COL4A1: variants seen among roughly 807,000 people sequenced by gnomAD.
COL4A1 encodes the protein collagen alpha-1(IV) chain.
Under a neutral mutation model 216.6 loss-of-function variants are expected in COL4A1, and 40 were observed. That is an observed-to-expected ratio of 0.18 (90% CI 0.14 to 0.24). The LOEUF (loss-of-function observed/expected upper bound fraction) is 0.24, where lower values mean the gene tolerates loss of function less well. Among genes scored for constraint, COL4A1 ranks in the 10% least tolerant of loss-of-function variants. The pLI is 1.00. For missense variants in COL4A1, 1,628 were observed against 2,196.8 expected, an observed-to-expected ratio of 0.74 and a Z score of 5.18; for synonymous variants, 839 against 810.7, an observed-to-expected ratio of 1.03 and a Z score of -0.59.
chr13:110,211,234 G>C lies in COL4A1; in HGVS notation c.468+413C>G, dbSNP rs1879781030. Among the ~76,000 whole-genome samples, 1 of 152,136 alleles carries C rather than the reference G, an allele frequency of 6.6e-6. No individual in the cohort carries two copies. The highest frequency in any genetic ancestry group is 6.5e-5 in the Admixed American group (1 of 15,280). On this transcript the variant is annotated intron_variant, in intron 8 of 51. Transcript: ENST00000375820. The surrounding 1 kb of genome is among the most constrained non-coding windows in gnomAD (Gnocchi z 4.3). The stretch of plus-strand genomic sequence containing the variant: ...CCCAAGCACAGCCGACACATTACAT[G>C]ACTGCACAGTCTGAGGTCGGGCTGA...
At chr13:110,299,714 G>A (rs555967746) in intron 1 of COL4A1, among the ~76,000 whole-genome samples, 49 of 152,278 alleles carry the variant, frequency 3.2e-4, no homozygotes, top group African/African-American at 1.2e-3. Context: ...TCGTGTGCAC[G>A]TCTGACCCGT....
intron 22 of COL4A1, 57 bp downstream of exon 22, chr13:110,194,966 G>C: frequency 6.6e-7 from 1 of 1,513,456 alleles, no homozygotes; most frequent in East Asian, 2.3e-5. Flanking sequence ...TAAGTATGTG[G>C]GAAAAAATCA....
chr13:110,209,476 C>T, intron 10 of COL4A1, 49 bp from the exon 11 acceptor site: 8 of 1,279,714 alleles, frequency 6.3e-6, no homozygotes, highest in Non-Finnish European at 7.8e-6. Context: ...CTCTAGGGAG[C>T]TTTAAGCCCT....
chr13:110,183,127 G>A (rs1377339023), intron 27 of COL4A1, 30 bp from the exon 28 acceptor site: 1 of 1,612,116 alleles, frequency 6.2e-7, no homozygotes, highest in Non-Finnish European at 8.5e-7. Flanking sequence ...CAGTCAGCGT[G>A]AGAAAAACGT....
At chr13:110,219,598 A>G (rs2139214487) in intron 2 of COL4A1, among the ~76,000 whole-genome samples, 1 of 150,222 alleles carries the variant, frequency 6.7e-6, no homozygotes, top group East Asian at 1.9e-4. Flanking sequence ...ATACAGACGC[A>G]CCTCAGCTTA....
chr13:110,164,165 T>C (rs1406627293), intron 46 of COL4A1, among the ~76,000 whole-genome samples: 2 of 151,710 alleles, frequency 1.3e-5, no homozygotes, highest in South Asian at 4.2e-4. Flanking sequence ...ATTTTATCAT[T>C]ATTATTTTGT....
intron 48 of COL4A1, 27 bp from the exon 49 acceptor site, chr13:110,161,396 A>G: frequency 6.3e-7 from 1 of 1,584,054 alleles, no homozygotes; most frequent in East Asian, 2.3e-5. Flanking sequence ...ACAATGTGAG[A>G]TGTTTCCTTT....
intron 50 of COL4A1, 140 bp from the exon 51 acceptor site, chr13:110,152,646 A>G (rs1217888029): frequency 1.9e-6 from 2 of 1,073,014 alleles, no homozygotes; most frequent in Non-Finnish European, 2.7e-6. Flanking sequence ...CACAGGACAC[A>G]CTCTGTGCCC....
intron 28 of COL4A1, 23 bp from the exon 29 acceptor site, chr13:110,181,412 A>C (rs757792086): frequency 1.3e-6 from 2 of 1,587,302 alleles, no homozygotes; most frequent in Non-Finnish European, 1.7e-6. Flanking sequence ...GTCAAAAAAA[A>C]AAAACAAACA....
chr13:110,299,488 G>A (rs1298606860), intron 1 of COL4A1, among the ~76,000 whole-genome samples: 1 of 152,216 alleles, frequency 6.6e-6, no homozygotes, highest in Non-Finnish European at 1.5e-5. Flanking sequence ...CTGGCACAAA[G>A]CAAGCTCGGT....
chr13:110,182,001 G>A (rs979010313), intron 28 of COL4A1, among the ~76,000 whole-genome samples: 14 of 152,240 alleles, frequency 9.2e-5, no homozygotes, highest in African/African-American at 3.1e-4. Context: ...TCTTCTGTGA[G>A]GCTGCTGCAC....
chr13:110,178,326 G>A, intron 31 of COL4A1, 95 bp from the exon 32 acceptor site: 1 of 1,512,346 alleles, frequency 6.6e-7, no homozygotes, highest in Non-Finnish European at 9.1e-7. Context: ...TCTGCAGAAA[G>A]CCCGTGAGCA....
intron 50 of COL4A1, among the ~76,000 whole-genome samples, chr13:110,153,802 T>C (rs28498126): frequency 0.025 from 3,736 of 152,250 alleles, 56 homozygotes; most frequent in East Asian, 0.04. Context: ...AAAATTGCTT[T>C]CCTGCCAACT....
intron 22 of COL4A1, among the ~76,000 whole-genome samples, chr13:110,193,140 G>A (rs114935239): frequency 1.1e-4 from 16 of 152,308 alleles, no homozygotes; most frequent in African/African-American, 2.6e-4. Flanking sequence ...CCCAGCACGC[G>A]TCACGTGTGA....
At chr13:110,281,954 G>A (rs1883649104) in intron 1 of COL4A1, among the ~76,000 whole-genome samples, 2 of 152,178 alleles carry the variant, frequency 1.3e-5, no homozygotes, top group African/African-American at 4.8e-5. Flanking sequence ...GTTTATGCCT[G>A]AAACACAACA....
At chr13:110,245,700 C>T (rs576113253) in intron 1 of COL4A1, among the ~76,000 whole-genome samples, 10 of 152,294 alleles carry the variant, frequency 6.6e-5, no homozygotes, top group Non-Finnish European at 2.9e-5. Context: ...TTAAGCCATC[C>T]GTGAATGCTT....
chr13:110,159,238 A>G (rs1223996626), intron 49 of COL4A1, among the ~76,000 whole-genome samples: 2 of 139,388 alleles, frequency 1.4e-5, no homozygotes, highest in African/African-American at 5.4e-5. Flanking sequence ...CGATGGGTAC[A>G]ATATCACCCA....
intron 17 of COL4A1, 27 bp from the exon 18 acceptor site, chr13:110,203,634 G>T (rs369069161): frequency 9.3e-6 from 15 of 1,612,690 alleles, no homozygotes; most frequent in African/African-American, 1.3e-5. Context: ...AACTTTCCTT[G>T]CATATTCTTA....
At chr13:110,299,391 G>A (rs1220157273) in intron 1 of COL4A1, among the ~76,000 whole-genome samples, 4 of 152,234 alleles carry the variant, frequency 2.6e-5, no homozygotes, top group Non-Finnish European at 5.9e-5. Context: ...AGATCCTTGT[G>A]TGGGCCCTTC....
Sources: allele counts gnomAD v4.1 joint callset (sites outside exome capture counted in the v4.1 genomes callset), GRCh38; gene constraint gnomAD v4.1.1; non-coding constraint Gnocchi (gnomAD v3.1); transcripts MANE v1.5; gene names NCBI Gene and HGNC (gene_info 2026-07-23, HGNC 2026-07-21).